SDK1: variants seen among roughly 807,000 people sequenced by gnomAD.
SDK1 encodes protein sidekick-1.
A neutral mutation model predicts 245.5 loss-of-function variants in SDK1; 157 were observed. The ratio of observed to expected loss-of-function variants is 0.64; its 90% CI spans 0.56 to 0.73. SDK1 has a LOEUF of 0.73. Ranked by LOEUF, SDK1 falls within the 30% of genes least tolerant of loss-of-function variation. SDK1 has a pLI of 0.00. For synonymous variants in SDK1, 1,647 were observed against 1,278.5 expected, an observed-to-expected ratio of 1.29 and a Z score of -6.15; for missense variants, 3,583 against 3,002.3, an observed-to-expected ratio of 1.19 and a Z score of -4.52.
At chr7:3,382,256 C>A (rs1020168614) in intron 1 of SDK1, among the ~76,000 whole-genome samples, 5 of 151,990 alleles carry the variant, frequency 3.3e-5, no homozygotes, top group African/African-American at 1.2e-4. Flanking sequence ...CAGGCATGAA[C>A]CATAGCACCC....
chr7:3,546,951 C>G (rs1215712483), intron 1 of SDK1, among the ~76,000 whole-genome samples: 4 of 152,132 alleles, frequency 2.6e-5, no homozygotes, highest in African/African-American at 9.7e-5. Context: ...ATGAAGTCAT[C>G]TTTTCACACT....
At chr7:3,770,057 A>G (rs1395150664) in intron 4 of SDK1, among the ~76,000 whole-genome samples, 5 of 151,672 alleles carry the variant, frequency 3.3e-5, no homozygotes, top group Non-Finnish European at 5.9e-5. Flanking sequence ...ACTGGTTATG[A>G]GGAGTGAGGG....
At chr7:3,937,751 T>C (rs1241532180) in intron 5 of SDK1, among the ~76,000 whole-genome samples, 27 of 152,238 alleles carry the variant, frequency 1.8e-4, no homozygotes, top group Admixed American at 1.7e-3. Context: ...ATTGTCCGTG[T>C]TAATAGCCTC....
intron 28 of SDK1, among the ~76,000 whole-genome samples, chr7:4,133,974 TAA>T (rs1290825186): frequency 6.6e-6 from 1 of 152,052 alleles, no homozygotes; most frequent in Non-Finnish European, 1.5e-5. Flanking sequence ...TTCACATCAC[TAA>T]AAAAAAGTTT....
At chr7:3,525,666 T>C (rs1316343019) in intron 1 of SDK1, among the ~76,000 whole-genome samples, 1 of 152,180 alleles carries the variant, frequency 6.6e-6, no homozygotes, top group African/African-American at 2.4e-5. Context: ...AAGGGATTAA[T>C]TTGGCAGGTG....
At chr7:4,158,730 G>C (rs1780929697) in intron 31 of SDK1, among the ~76,000 whole-genome samples, 179 bp downstream of exon 31, 2 of 152,210 alleles carry the variant, frequency 1.3e-5, no homozygotes. Context: ...CATAAATCAA[G>C]GTTTCAAGGG....
chr7:4,190,600 G>T lies in SDK1; in HGVS notation c.5098+12014G>T, dbSNP rs150415821. On this transcript the variant is annotated intron_variant, in intron 35 of 44. Coordinates refer to ENST00000404826, the MANE Select transcript of SDK1 (RefSeq NM_152744.4). ...AGTGGAGAGACTGTGGGATGCAGGT[G>T]CCTCCGCCGTGGGGGATTCTCCAAT... Among the ~76,000 whole-genome samples the T allele has an allele frequency of 2.4e-3, 363 of 152,366 alleles. 1 individual carries two copies. The highest frequency in any genetic ancestry group is 7.8e-3 in the African/African-American group (325 of 41,582).
intron 5 of SDK1, among the ~76,000 whole-genome samples, chr7:3,861,999 A>T (rs371666475): frequency 1.5e-4 from 23 of 152,340 alleles, no homozygotes; most frequent in African/African-American, 5.3e-4. Flanking sequence ...CCTGGCAGCA[A>T]ACAAAGGCTG....
chr7:3,913,586 C>T (rs1274634039), intron 5 of SDK1, among the ~76,000 whole-genome samples: 2 of 152,124 alleles, frequency 1.3e-5, no homozygotes, highest in Non-Finnish European at 2.9e-5. Context: ...AGCCACCGTG[C>T]CCGGCCCTGT....
At chr7:3,753,565 A>T (rs998559184) in intron 4 of SDK1, among the ~76,000 whole-genome samples, 1 of 152,222 alleles carries the variant, frequency 6.6e-6, no homozygotes, top group Non-Finnish European at 1.5e-5. Flanking sequence ...CGTTTATTGC[A>T]GTTGCCTCTG....
intron 1 of SDK1, among the ~76,000 whole-genome samples, chr7:3,547,471 T>C (rs768989043): frequency 1.3e-5 from 2 of 152,236 alleles, no homozygotes; most frequent in Admixed American, 6.5e-5. Context: ...ATAAACACGT[T>C]GTTATACTTC....
intron 1 of SDK1, among the ~76,000 whole-genome samples, chr7:3,427,479 A>G (rs1426162427): frequency 2.0e-5 from 3 of 150,128 alleles, no homozygotes; most frequent in Non-Finnish European, 3.0e-5. Flanking sequence ...AGATTGTGCC[A>G]TTGGACTGCA....
At chr7:3,568,433 C>G (rs1450105332) in intron 1 of SDK1, among the ~76,000 whole-genome samples, 1 of 152,054 alleles carries the variant, frequency 6.6e-6, no homozygotes. Context: ...TTTTTTCTCA[C>G]TAGATTTTAG....
At chr7:3,588,494 C>T (rs1780758879) in intron 1 of SDK1, among the ~76,000 whole-genome samples, 1 of 152,140 alleles carries the variant, frequency 6.6e-6, no homozygotes, top group Admixed American at 6.5e-5. Flanking sequence ...AGTTTTTCTT[C>T]TGTGAGGTGT....
intron 4 of SDK1, among the ~76,000 whole-genome samples, chr7:3,809,757 C>T (rs561447800): frequency 2.0e-5 from 3 of 152,332 alleles, no homozygotes; most frequent in East Asian, 1.9e-4. Context: ...GGCAGCATCA[C>T]GTGGAGCGAG....
At chr7:3,377,888 C>T (rs1781393757) in intron 1 of SDK1, among the ~76,000 whole-genome samples, 1 of 152,280 alleles carries the variant, frequency 6.6e-6, no homozygotes, top group South Asian at 2.1e-4. Flanking sequence ...AAGCAATTCT[C>T]CTGCGTCAGC....
chr7:3,702,851 A>G (rs1007380441), intron 4 of SDK1, among the ~76,000 whole-genome samples: 1 of 152,236 alleles, frequency 6.6e-6, no homozygotes, highest in African/African-American at 2.4e-5. Context: ...CATGAAAAAG[A>G]CATTCAGTGG....
At chr7:3,624,771 C>T (rs575358068) in intron 2 of SDK1, among the ~76,000 whole-genome samples, 80 of 152,106 alleles carry the variant, frequency 5.3e-4, no homozygotes, top group Admixed American at 1.0e-3. Context: ...CAAGGCCAGG[C>T]ATGGTGGCTC....
chr7:3,424,156 C>T (rs1779611553), intron 1 of SDK1, among the ~76,000 whole-genome samples: 1 of 152,158 alleles, frequency 6.6e-6, no homozygotes, highest in African/African-American at 2.4e-5. Context: ...AGGTGATCTG[C>T]CTGCCTTGGC....
Sources: gnomAD v4.1 joint callset for allele counts (sites outside exome capture counted in the v4.1 genomes callset) on GRCh38, gnomAD v4.1.1 for gene constraint, MANE v1.5 for transcripts, NCBI Gene and HGNC (gene_info 2026-07-23, HGNC 2026-07-21) for gene names.